The following ARHGAP15 variants were observed in gnomAD, a reference collection of about 807,000 sequenced individuals.
ARHGAP15 encodes Rho GTPase activating protein 15.
ARHGAP15 carries 51 observed loss-of-function variants against 63.7 expected under a neutral mutation model. The ratio of observed to expected loss-of-function variants is 0.80; its 90% confidence interval spans 0.64 to 1.01. The LOEUF is 1.01. Ranked by LOEUF, ARHGAP15 falls within the 50% of genes least tolerant of loss-of-function variation. ARHGAP15 has a pLI of 0.00. For synonymous variants in ARHGAP15, 191 were observed against 193.8 expected (o/e 0.99, Z 0.12); for missense variants, 560 against 564.6 (o/e 0.99, Z 0.08).
intron 11 of ARHGAP15, among the ~76,000 whole-genome samples, chr2:143,562,619 A>AT (rs1274065976): frequency 6.6e-6 from 1 of 152,128 alleles, no homozygotes; most frequent in Non-Finnish European, 1.5e-5. Context: ...ACAATGATTT[A>AT]TTTTTCCCAT....
At chr2:143,263,461 A>G (rs957759104) in intron 6 of ARHGAP15, among the ~76,000 whole-genome samples, 4 of 152,074 alleles carry the variant, frequency 2.6e-5, no homozygotes, top group African/African-American at 9.7e-5. Context: ...AGATCATGTA[A>G]TCAGTGGTAG....
Position 143,519,389 on chromosome 2 carries a change from T to G in ARHGAP15, c.925+25T>G, listed in dbSNP as rs1559024412. On this transcript the variant is annotated intron_variant, in intron 10 of 13. Transcript: ENST00000295095. ...GGTGGGTGACTGAATGTGCAGCAGT[T>G]CCCCCCATTACTGCACCCTCTACAC... 4 of 1,569,138 alleles carry G rather than the reference T, an allele frequency of 2.5e-6. No homozygotes were observed. In the South Asian group the frequency reaches 4.4e-5, roughly 17 times the overall value.
chr2:143,727,082 A>G (rs895475379), intron 13 of ARHGAP15, among the ~76,000 whole-genome samples: 9 of 152,178 alleles, frequency 5.9e-5, no homozygotes, highest in African/African-American at 2.2e-4. Flanking sequence ...TTCTCAGCAA[A>G]GCTTTGCCTT....
intron 6 of ARHGAP15, among the ~76,000 whole-genome samples, chr2:143,360,315 T>C (rs1685988869): frequency 6.6e-6 from 1 of 151,784 alleles, no homozygotes; most frequent in Non-Finnish European, 1.5e-5. Context: ...AGCCCAAGAG[T>C]TTGAGGTTGC....
chr2:143,700,609 G>A (rs913587011), intron 12 of ARHGAP15, among the ~76,000 whole-genome samples: 3 of 152,064 alleles, frequency 2.0e-5, no homozygotes, highest in African/African-American at 7.2e-5. Flanking sequence ...TAGTTCACCA[G>A]ATCCTCAGGT....
intron 10 of ARHGAP15, among the ~76,000 whole-genome samples, chr2:143,528,251 C>T (rs551248135): frequency 6.6e-6 from 1 of 152,170 alleles, no homozygotes; most frequent in Non-Finnish European, 1.5e-5. Context: ...AATGGTCAGG[C>T]TTAGGCTCAG....
intron 11 of ARHGAP15, among the ~76,000 whole-genome samples, chr2:143,586,830 G>A (rs1697127892): frequency 6.6e-6 from 1 of 151,686 alleles, no homozygotes; most frequent in East Asian, 1.9e-4. Flanking sequence ...CTTGAAAAAG[G>A]CCATTTACTC....
At chr2:143,284,681 A>T (rs758697431) in intron 6 of ARHGAP15, among the ~76,000 whole-genome samples, 1 of 152,194 alleles carries the variant, frequency 6.6e-6, no homozygotes, top group Admixed American at 6.5e-5. Flanking sequence ...CATCAGTGAG[A>T]TAACCAACAT....
chr2:143,476,472 G>A (rs1691821512), intron 8 of ARHGAP15, among the ~76,000 whole-genome samples: 1 of 152,146 alleles, frequency 6.6e-6, no homozygotes, highest in African/African-American at 2.4e-5. Context: ...ACATAATGAA[G>A]AAAACATTCT....
chr2:143,458,098 TAAAG>T (rs1018335997), intron 8 of ARHGAP15, among the ~76,000 whole-genome samples: 22 of 152,160 alleles, frequency 1.4e-4, no homozygotes, highest in African/African-American at 3.6e-4. Context: ...TTAGAGAACA[TAAAG>T]AAACTAGAAG....
intron 6 of ARHGAP15, among the ~76,000 whole-genome samples, chr2:143,347,611 G>A (rs1269177687): frequency 6.6e-6 from 1 of 152,078 alleles, no homozygotes; most frequent in Non-Finnish European, 1.5e-5. Flanking sequence ...GCGGTTGCTG[G>A]CCTGAAACAG....
At chr2:143,329,036 C>T (rs76538848) in intron 6 of ARHGAP15, among the ~76,000 whole-genome samples, 1,731 of 152,310 alleles carry the variant, frequency 0.011, 31 homozygotes, top group South Asian at 0.096. Context: ...TTTATATTCT[C>T]TAATGTTCTC....
intron 9 of ARHGAP15, among the ~76,000 whole-genome samples, chr2:143,494,633 A>C (rs1220109950): frequency 2.0e-5 from 3 of 151,990 alleles, no homozygotes; most frequent in Non-Finnish European, 4.4e-5. Context: ...TATTTGATTC[A>C]TTCTATTTCT....
intron 2 of ARHGAP15, among the ~76,000 whole-genome samples, chr2:143,167,415 A>T (rs1172006258): frequency 6.6e-6 from 1 of 152,000 alleles, no homozygotes; most frequent in Non-Finnish European, 1.5e-5. Context: ...ACAATTCCTT[A>T]TTTTTCTTAC....
intron 6 of ARHGAP15, among the ~76,000 whole-genome samples, chr2:143,350,162 G>A (rs1685491087): frequency 1.3e-5 from 2 of 152,006 alleles, no homozygotes; most frequent in South Asian, 4.2e-4. Context: ...TTCCCTCAGT[G>A]AAAACTACTT....
At chr2:143,363,869 T>C in intron 6 of ARHGAP15, among the ~76,000 whole-genome samples, 1 of 152,082 alleles carries the variant, frequency 6.6e-6, no homozygotes, top group Non-Finnish European at 1.5e-5. Context: ...CAATAGAAAC[T>C]CAAAAATAAT....
intron 6 of ARHGAP15, among the ~76,000 whole-genome samples, chr2:143,274,691 T>G (rs1377810198): frequency 6.6e-6 from 1 of 152,234 alleles, no homozygotes; most frequent in Admixed American, 6.5e-5. Flanking sequence ...ACACATCGTG[T>G]TTATAATTGA....
intron 11 of ARHGAP15, among the ~76,000 whole-genome samples, chr2:143,588,293 A>AT (rs906231347): frequency 2.6e-5 from 4 of 151,892 alleles, no homozygotes; most frequent in Admixed American, 6.6e-5. Flanking sequence ...TAAGCTTTCT[A>AT]TTTTTTTAAT....
At chr2:143,271,174 ACT>A (rs1681260870) in intron 6 of ARHGAP15, among the ~76,000 whole-genome samples, 1 of 152,188 alleles carries the variant, frequency 6.6e-6, no homozygotes, top group African/African-American at 2.4e-5. Flanking sequence ...TAATTCTGCT[ACT>A]GTATGTAGAT....
Sources: allele counts gnomAD v4.1 joint callset (sites outside exome capture counted in the v4.1 genomes callset), GRCh38; gene constraint gnomAD v4.1.1; transcripts MANE v1.5; gene names NCBI Gene and HGNC (gene_info 2026-07-23, HGNC 2026-07-21).